RGS7: variants seen among roughly 807,000 people sequenced by gnomAD.
RGS7 encodes regulator of G-protein signaling 7.
A neutral mutation model predicts 81.1 loss-of-function variants in RGS7; 27 were observed. That is an observed-to-expected ratio of 0.33 (90% CI 0.25 to 0.46). The LOEUF (loss-of-function observed/expected upper bound fraction) is 0.46, where lower values mean the gene tolerates loss of function less well. RGS7 is among the 20% of genes least tolerant of loss of function. The pLI, the probability that RGS7 is intolerant of heterozygous loss-of-function variation, is 1.00. For missense variants in RGS7, 396 were observed against 607.4 expected (o/e 0.65, Z 3.66); for synonymous variants, 208 against 207.7 (o/e 1.00, Z -0.01).
intron 2 of RGS7, among the ~76,000 whole-genome samples, chr1:241,221,057 A>AAG (rs1169899552): frequency 1.8e-4 from 23 of 125,736 alleles, no homozygotes; most frequent in African/African-American, 4.3e-4. Flanking sequence ...GAAAGAAAGA[A>AAG]AGAGAGAGAG....
intron 2 of RGS7, among the ~76,000 whole-genome samples, chr1:241,250,618 C>T (rs1010952381): frequency 4.6e-5 from 7 of 152,192 alleles, no homozygotes; most frequent in African/African-American, 7.2e-5. Flanking sequence ...GCAGGCCTTT[C>T]GCTTGCATGA....
chr1:241,340,124 T>A (rs910447215), intron 2 of RGS7, among the ~76,000 whole-genome samples: 120 of 152,184 alleles, frequency 7.9e-4, no homozygotes, highest in African/African-American at 2.7e-3. Context: ...TCCATTCAAA[T>A]TCCCATCCCT....
intron 2 of RGS7, among the ~76,000 whole-genome samples, chr1:241,130,927 C>CAAAAAAAAAAA (rs11365447): frequency 1.6e-4 from 14 of 90,174 alleles, no homozygotes; most frequent in African/African-American, 4.9e-4. Context: ...GGCTTAATTA[C>CAAAAAAAAAAA]AAAAAAAAAA....
chr1:241,323,946 T>C (rs1458537684), intron 2 of RGS7, among the ~76,000 whole-genome samples: 1 of 152,200 alleles, frequency 6.6e-6, no homozygotes, highest in Non-Finnish European at 1.5e-5. Context: ...CCCAGCTCTG[T>C]CATTTATTAC....
chr1:241,339,809 G>T (rs1286875657), intron 2 of RGS7, among the ~76,000 whole-genome samples: 1 of 152,038 alleles, frequency 6.6e-6, no homozygotes, highest in African/African-American at 2.4e-5. Flanking sequence ...ATATTATCTT[G>T]CCATGCCTAG....
intron 3 of RGS7, among the ~76,000 whole-genome samples, chr1:241,014,002 G>A (rs1342802620): frequency 6.6e-6 from 1 of 152,188 alleles, no homozygotes; most frequent in Non-Finnish European, 1.5e-5. Flanking sequence ...CAAGAATAAT[G>A]TCCTTTTCAA....
intron 2 of RGS7, among the ~76,000 whole-genome samples, chr1:241,202,366 G>C (rs2073586881): frequency 6.6e-6 from 1 of 152,166 alleles, no homozygotes; most frequent in Admixed American, 6.5e-5. Context: ...AAACTTCCCT[G>C]TCACACTCTG....
intron 4 of RGS7, among the ~76,000 whole-genome samples, chr1:240,978,877 A>G (rs1425519961): frequency 6.6e-6 from 1 of 152,222 alleles, no homozygotes; most frequent in African/African-American, 2.4e-5. Context: ...AGATGTTATT[A>G]TTATATGCAT....
chr1:240,944,276 GTGTGTGTATATA>G (rs1271715915), intron 4 of RGS7, among the ~76,000 whole-genome samples: 38 of 18,822 alleles, frequency 2.0e-3, no homozygotes, highest in African/African-American at 5.4e-3. Context: ...GTGTGTGTGT[GTGTGTGTATATA>G]TATATATATA....
chr1:240,884,265 TA>T (rs1300673834), intron 6 of RGS7, among the ~76,000 whole-genome samples: 5 of 152,066 alleles, frequency 3.3e-5, no homozygotes, highest in Non-Finnish European at 7.4e-5. Context: ...ATACATTAAA[TA>T]AGATGTCTTT....
chr1:240,998,485 C>T, intron 3 of RGS7: 1 of 1,032,248 alleles, frequency 9.7e-7, no homozygotes, highest in Admixed American at 1.8e-5. Context: ...CATCAGACTT[C>T]TCGGATTCTT....
intron 2 of RGS7, among the ~76,000 whole-genome samples, chr1:241,100,374 CAAAAAAAAA>C (rs753787286): frequency 1.6e-4 from 13 of 80,492 alleles, no homozygotes; most frequent in African/African-American, 3.8e-4. Context: ...GACTCCATTT[CAAAAAAAAA>C]AAAAAAAAAA....
chr1:241,086,752 C>T (rs545857236), intron 3 of RGS7, among the ~76,000 whole-genome samples: 24 of 152,338 alleles, frequency 1.6e-4, no homozygotes, highest in African/African-American at 5.8e-4. Flanking sequence ...TTGTCTTCTG[C>T]CTTCCTCTCT....
chr1:240,817,659 G>A (rs1691052072), intron 10 of RGS7, among the ~76,000 whole-genome samples: 1 of 152,076 alleles, frequency 6.6e-6, no homozygotes. Flanking sequence ...CTGGAGTGCA[G>A]TGGCGTAATC....
At chr1:241,091,345 G>A (rs1218433956) in intron 3 of RGS7, among the ~76,000 whole-genome samples, 1 of 151,242 alleles carries the variant, frequency 6.6e-6, no homozygotes, top group African/African-American at 2.4e-5. Flanking sequence ...TAGGGAGATC[G>A]AGACCATCTT....
intron 3 of RGS7, among the ~76,000 whole-genome samples, chr1:241,023,423 T>C (rs1413437924): frequency 6.6e-6 from 1 of 152,210 alleles, no homozygotes; most frequent in African/African-American, 2.4e-5. Flanking sequence ...TGAAAAGTCA[T>C]CATCAATGAA....
intron 6 of RGS7, among the ~76,000 whole-genome samples, chr1:240,901,636 C>T (rs2148201179): frequency 6.6e-6 from 1 of 152,302 alleles, no homozygotes; most frequent in South Asian, 2.1e-4. Context: ...TCTCTTTCCA[C>T]TTCCTTATTG....
At chr1:241,147,728 G>T (rs1318788992) in intron 2 of RGS7, among the ~76,000 whole-genome samples, 1 of 125,362 alleles carries the variant, frequency 8.0e-6, no homozygotes, top group Non-Finnish European at 1.6e-5. Flanking sequence ...ACAGAATTTT[G>T]ATTTTTTTCC....
At chr1:240,858,791 A>C (rs1391882769) in intron 9 of RGS7, among the ~76,000 whole-genome samples, 3 of 152,116 alleles carry the variant, frequency 2.0e-5, no homozygotes, top group African/African-American at 7.2e-5. Flanking sequence ...CAATTATATC[A>C]ATTGATTTTC....
Sources: gnomAD v4.1 joint callset for allele counts (sites outside exome capture counted in the v4.1 genomes callset) on GRCh38, gnomAD v4.1.1 for gene constraint, MANE v1.5 for transcripts, NCBI Gene and HGNC (gene_info 2026-07-23, HGNC 2026-07-21) for gene names.